Variants in RERE observed in about 807,000 individuals in gnomAD.
RERE encodes arginine-glutamic acid dipeptide repeats, also known as arginine-glutamic acid dipeptide repeats protein.
In RERE, 40 loss-of-function variants were observed where a neutral mutation model predicts 146.1. The observed-to-expected ratio is 0.27, with a 90% CI of 0.21 to 0.36. The LOEUF (loss-of-function observed/expected upper bound fraction) is 0.36. RERE is among the 10% of genes least tolerant of loss of function. The pLI is 1.00. For synonymous variants in RERE, 1,003 were observed against 866.0 expected (o/e 1.16, Z -2.78); for missense variants, 1,933 against 2,138.7 (o/e 0.90, Z 1.90).
At chr1:8,407,213 CT>C (rs1643470267) in intron 12 of RERE, among the ~76,000 whole-genome samples, 1 of 152,170 alleles carries the variant, frequency 6.6e-6, no homozygotes, top group Non-Finnish European at 1.5e-5. Flanking sequence ...ACGGAATTCT[CT>C]TTTTGTGTGA....
At chr1:8,508,576 G>A (rs972444334) in intron 8 of RERE, 51 bp downstream of exon 8, 12 of 1,321,544 alleles carry the variant, frequency 9.1e-6, no homozygotes, top group Admixed American at 1.7e-5. Context: ...AGTGCCAGCA[G>A]AGTAATAAGA....
chr1:8,796,907 A>C (rs1641485666), intron 1 of RERE, among the ~76,000 whole-genome samples: 1 of 152,204 alleles, frequency 6.6e-6, no homozygotes, highest in Non-Finnish European at 1.5e-5. Flanking sequence ...ATCTACTATG[A>C]GCCTCCGTTG....
intron 1 of RERE, among the ~76,000 whole-genome samples, chr1:8,743,931 A>G (rs1052952658): frequency 3.9e-5 from 6 of 152,138 alleles, no homozygotes; most frequent in African/African-American, 1.4e-4. Context: ...CTCCCACTAG[A>G]ATATTTTCTC....
At chr1:8,637,377 C>T (rs1034752666) in intron 2 of RERE, among the ~76,000 whole-genome samples, 2 of 152,044 alleles carry the variant, frequency 1.3e-5, no homozygotes, top group Non-Finnish European at 2.9e-5. Flanking sequence ...CTCAGTCTCC[C>T]CTCTTTCATA....
At chr1:8,471,768 C>T (rs1644689555) in intron 10 of RERE, among the ~76,000 whole-genome samples, 1 of 152,124 alleles carries the variant, frequency 6.6e-6, no homozygotes, top group African/African-American at 2.4e-5. Context: ...CCTGTCTAGA[C>T]CTCCTGAAGT....
chr1:8,653,694 CAAAAAAAAAA>C (rs775354970), intron 2 of RERE, among the ~76,000 whole-genome samples: 1 of 45,900 alleles, frequency 2.2e-5, no homozygotes, highest in South Asian at 8.2e-4. Flanking sequence ...GACTCCACCT[CAAAAAAAAAA>C]AAAAAAAAAA....
In RERE at chr1:8,809,152, A is replaced by AT. The variant is rs1471159430; in HGVS notation, c.-145+8007_-145+8008insA. On this transcript the variant is annotated intron_variant, in intron 1 of 22. Transcript: ENST00000400908. ...GACTTTGTCTTAAAAAAAAAAAAAA[A>AT]AAAAAAAAGTACTGAGGGAGAGGTT... Among the ~76,000 whole-genome samples the AT allele has an allele frequency of 1.5e-3, 230 of 151,174 alleles. 6 individuals carry two copies. The highest frequency in any genetic ancestry group is 5.3e-3 in the African/African-American group (218 of 41,126).
intron 12 of RERE, among the ~76,000 whole-genome samples, chr1:8,383,394 A>G (rs558453394): frequency 4.3e-4 from 65 of 152,012 alleles, no homozygotes; most frequent in African/African-American, 1.4e-3. Context: ...CTGCCAATCT[A>G]TATCAGGCAA....
rs1267328798 is a variant in RERE, at chr1:8,379,260, C to T, written c.1285-13286G>A. On this transcript the variant is annotated intron_variant, in intron 12 of 22. Transcript: ENST00000400908. ...CTGACCACTTAATTCTGGTCAGTTT[C>T]CACAGGCAAGAGCCCAGCTCCATGG... is the stretch of plus-strand genomic sequence containing the variant. Among the ~76,000 whole-genome samples, 7 of 152,140 alleles carry T rather than the reference C, an allele frequency of 4.6e-5. No homozygotes were observed. In the East Asian group the frequency reaches 1.4e-3, roughly 29 times the overall value.
intron 2 of RERE, among the ~76,000 whole-genome samples, chr1:8,645,959 C>T (rs1647286482): frequency 6.6e-6 from 1 of 152,120 alleles, no homozygotes; most frequent in African/African-American, 2.4e-5. Flanking sequence ...CTAATGTAAT[C>T]CATAACTAAA....
At chr1:8,605,787 A>AT (rs1553120642) in intron 4 of RERE, among the ~76,000 whole-genome samples, 1 of 143,418 alleles carries the variant, frequency 7.0e-6, no homozygotes, top group Non-Finnish European at 1.5e-5. Flanking sequence ...AAAAAAAGTG[A>AT]TAATAGATTA....
chr1:8,664,911 G>A (rs758130375), intron 1 of RERE, among the ~76,000 whole-genome samples: 2 of 152,156 alleles, frequency 1.3e-5, no homozygotes, highest in Non-Finnish European at 2.9e-5. Flanking sequence ...AAAGGCTAAT[G>A]ACATTATGTC....
chr1:8,625,613 C>A (rs944640504), intron 2 of RERE, among the ~76,000 whole-genome samples: 1 of 152,134 alleles, frequency 6.6e-6, no homozygotes, highest in African/African-American at 2.4e-5. Flanking sequence ...GCCCATAATG[C>A]CATTCATTTT....
chr1:8,765,345 T>C (rs748205221), intron 1 of RERE, among the ~76,000 whole-genome samples: 2 of 151,856 alleles, frequency 1.3e-5, no homozygotes, highest in Admixed American at 1.3e-4. Flanking sequence ...GGGGGATGAG[T>C]AGAGGAGGAA....
At chr1:8,539,548 G>C (rs1645772208) in intron 7 of RERE, among the ~76,000 whole-genome samples, 3 of 152,206 alleles carry the variant, frequency 2.0e-5, no homozygotes, top group African/African-American at 2.4e-5. Context: ...TGGGATTAAA[G>C]GTGTGTGCCA....
chr1:8,738,341 G>A (rs1009138679), intron 1 of RERE, among the ~76,000 whole-genome samples: 2 of 151,928 alleles, frequency 1.3e-5, no homozygotes, highest in Admixed American at 6.6e-5. Flanking sequence ...GGAGTGCAGT[G>A]GTGTGAACTT....
chr1:8,598,556 C>T (rs1014668191), intron 4 of RERE, among the ~76,000 whole-genome samples: 15 of 152,310 alleles, frequency 9.8e-5, no homozygotes, highest in African/African-American at 2.6e-4. Context: ...CTCATGGCAG[C>T]TGGACACCCA....
chr1:8,435,352 T>A (rs1465875804), intron 11 of RERE, among the ~76,000 whole-genome samples: 1 of 152,350 alleles, frequency 6.6e-6, no homozygotes, highest in Non-Finnish European at 1.5e-5. Flanking sequence ...ATATAGCAGG[T>A]GCTTGACAAC....
chr1:8,542,970 A>G (rs2124394484), intron 6 of RERE, among the ~76,000 whole-genome samples: 1 of 152,334 alleles, frequency 6.6e-6, no homozygotes, highest in East Asian at 1.9e-4. Context: ...CTGAGAACTG[A>G]ATTTAAAATT....
Sources: allele counts gnomAD v4.1 joint callset (sites outside exome capture counted in the v4.1 genomes callset), GRCh38; gene constraint gnomAD v4.1.1; transcripts MANE v1.5; gene names NCBI Gene and HGNC (gene_info 2026-07-23, HGNC 2026-07-21).